GLI2: variants seen among roughly 807,000 people sequenced by gnomAD.
The protein encoded by GLI2 is GLI family zinc finger 2, also known as transcription activator GLI2.
A neutral mutation model predicts 78.9 loss-of-function variants in GLI2; 22 were observed. The observed-to-expected ratio is 0.28, with a 90% CI of 0.20 to 0.40. The LOEUF is 0.40. Among genes scored for constraint, GLI2 ranks in the 10% least tolerant of loss-of-function variants. The probability of loss-of-function intolerance (pLI) is 1.00; values close to 1 mark genes in which losing one functional copy is unlikely to be tolerated. For synonymous variants in GLI2, 974 were observed against 963.7 expected (o/e 1.01, Z -0.20); for missense variants, 2,097 against 2,213.2 (o/e 0.95, Z 1.05).
intron 1 of GLI2, among the ~76,000 whole-genome samples, chr2:120,749,191 G>T (rs549223729): frequency 6.6e-6 from 1 of 152,138 alleles, no homozygotes; most frequent in Non-Finnish European, 1.5e-5. Context: ...TGCTTAACAC[G>T]TGTTTGTTTA....
chr2:120,990,817 A>G lies in GLI2; in HGVS notation c.*142A>G, dbSNP rs933620866. The G allele has an allele frequency of 1.3e-5, 8 of 638,614 alleles. No individual in the cohort carries two copies. Among genetic ancestry groups the G allele is most frequent in the Non-Finnish European group, 1.9e-5 (7 of 369,340 alleles). The allele number at this position is 638,614 out of a possible 1,614,324, so 39.6% of individuals were successfully genotyped here. A position where few individuals can be genotyped will look rare whatever the true frequency, so the allele number is the denominator to read the frequency against. On this transcript the variant is annotated 3_prime_UTR_variant, in exon 14 of 14. Transcript: ENST00000361492. ...GCGCAATGGCCGCTTCAGATGACAG[A>G]TGTTGTAAGAGAAGGTTTATGGGCA... is the stretch of plus-strand genomic sequence containing the variant.
At chr2:120,942,703 G>A (rs551054595) in intron 3 of GLI2, among the ~76,000 whole-genome samples, 4 of 152,166 alleles carry the variant, frequency 2.6e-5, no homozygotes, top group African/African-American at 4.8e-5. Context: ...CGGCACATAC[G>A]TGCTCCCAGG....
rs1253185243 is a variant in GLI2 at position 120,988,571 on chromosome 2, A to G, written c.2606A>G (p.Gln869Arg). 2.0e-6 allele frequency: 3 copies of G among 1,496,670 alleles called. No homozygotes were observed. The highest frequency in any genetic ancestry group is 2.7e-6 in the Non-Finnish European group (3 of 1,129,518). The allele number at this position is 1,496,670 out of a possible 1,614,324, so 92.7% of individuals were successfully genotyped here. Residue 869 changes from glutamine to arginine, a missense_variant, in exon 14 of 14, where the codon CAG becomes CGG. Coordinates refer to ENST00000361492, the MANE Select transcript of GLI2 (RefSeq NM_001374353.1). ...SGLLNLTPAQ[Q>R]YSLRAKYAAA... ...CTGCTCAACCTCACGCCGGCGCAGCAGTACAGCCTGCGGGCCAAGTACGCG... is the reference window on the plus strand; with the variant it reads ...CTGCTCAACCTCACGCCGGCGCAGCGGTACAGCCTGCGGGCCAAGTACGCG...
At chr2:120,840,988 C>T (rs752868225) in intron 2 of GLI2, among the ~76,000 whole-genome samples, 6 of 152,204 alleles carry the variant, frequency 3.9e-5, no homozygotes, top group Admixed American at 6.5e-5. Context: ...GGCCTCTTTC[C>T]TTGCCAGCTG....
Position 120,991,962 on chromosome 2 carries a change from A to G in GLI2, c.*1287A>G, listed in dbSNP as rs1467214049. The stretch of plus-strand genomic sequence containing the variant: ...TTTGGAACTGGCTTCAGGAGACATC[A>G]TTCCTGAACACACTGTAGGGTGAAT... On this transcript the variant is annotated 3_prime_UTR_variant, in exon 14 of 14. Coordinates refer to ENST00000361492, the MANE Select transcript of GLI2 (RefSeq NM_001374353.1). The G allele has an allele frequency of 6.6e-6, 1 of 150,884 alleles. No homozygotes were observed. Among genetic ancestry groups the G allele is most frequent in the African/African-American group, 2.4e-5 (1 of 40,840 alleles). 9.3% of individuals were successfully genotyped at this position (150,884 alleles called of 1,614,324 possible). A position where few individuals can be genotyped will look rare whatever the true frequency, so the allele number is the denominator to read the frequency against.
rs7608184 is a variant in GLI2, at chr2:120,882,779, A to T, written c.149-44582A>T. On this transcript the variant is annotated intron_variant, in intron 2 of 13. Transcript: ENST00000361492. ...CTGGTTTGGTCTCACATCTGGTCTT[A>T]AGTGGGTCTTTTTTTTTTCTTCTCA... 4.7e-3 allele frequency among the ~76,000 whole-genome samples: 712 copies of T among 152,258 alleles called. 6 individuals are homozygous for T. Among genetic ancestry groups the T allele is most frequent in the African/African-American group, 0.016 (644 of 41,540 alleles).
At chr2:120,794,332 T>G (rs1206989875) in intron 1 of GLI2, among the ~76,000 whole-genome samples, 1 of 152,082 alleles carries the variant, frequency 6.6e-6, no homozygotes, top group Non-Finnish European at 1.5e-5. Context: ...GTTATCCCTG[T>G]TAGGAGGGTC....
intron 1 of GLI2, among the ~76,000 whole-genome samples, chr2:120,783,844 C>A (rs55886916): frequency 0.032 from 4,941 of 152,268 alleles, 239 homozygotes; most frequent in African/African-American, 0.11. Context: ...GCATTTCAAT[C>A]GGTTGCTCTT....
At chr2:120,839,304 G>A (rs1686756659) in intron 2 of GLI2, among the ~76,000 whole-genome samples, 1 of 152,244 alleles carries the variant, frequency 6.6e-6, no homozygotes, top group South Asian at 2.1e-4. Context: ...CCAAACCTCA[G>A]CCTGGGTTTG....
chr2:120,737,761 G>C lies in GLI2; in HGVS notation c.-31+1476G>C, dbSNP rs1682413997. Among the ~76,000 whole-genome samples, 1 of 152,258 alleles carries C rather than the reference G, an allele frequency of 6.6e-6. No homozygotes were observed. Among genetic ancestry groups the C allele is most frequent in the South Asian group, 2.1e-4 (1 of 4,838 alleles). ...CTGGGGGATGTAGGAGAATTTGAAA[G>C]TAAACGTTTCCCTCGCAAGCAGCAT... On this transcript the variant is annotated intron_variant, in intron 1 of 13. Coordinates refer to ENST00000361492, the MANE Select transcript of GLI2 (RefSeq NM_001374353.1). The surrounding 1 kb of genome is among the most constrained non-coding windows in gnomAD (Gnocchi z 4.3).
At chr2:120,758,818 G>A (rs1397120065) in intron 1 of GLI2, among the ~76,000 whole-genome samples, 1 of 152,132 alleles carries the variant, frequency 6.6e-6, no homozygotes, top group Non-Finnish European at 1.5e-5. Flanking sequence ...GAGGGTCAGC[G>A]GGCCCCAGAG....
intron 2 of GLI2, among the ~76,000 whole-genome samples, chr2:120,858,088 C>T (rs1261526689): frequency 1.3e-5 from 2 of 152,078 alleles, no homozygotes; most frequent in Admixed American, 6.5e-5. Flanking sequence ...AGGGAGCTCA[C>T]GTTAGGTGAA....
At chr2:120,866,640 C>G (rs970772110) in intron 2 of GLI2, 1 of 152,094 alleles carries the variant, frequency 6.6e-6, no homozygotes, top group Non-Finnish European at 1.5e-5. Flanking sequence ...CACATGGCAC[C>G]TGGCAGACAG....
chr2:120,808,972 C>G (rs1685095857), intron 2 of GLI2, among the ~76,000 whole-genome samples: 1 of 152,152 alleles, frequency 6.6e-6, no homozygotes, highest in Non-Finnish European at 1.5e-5. Flanking sequence ...TTTTCTAGCT[C>G]CAGGTCATCA....
chr2:120,941,325 G>A (rs866833845), intron 3 of GLI2, among the ~76,000 whole-genome samples: 10 of 152,336 alleles, frequency 6.6e-5, no homozygotes, highest in East Asian at 3.9e-4. Context: ...TAAAACAAAT[G>A]TATGGGAAAC....
intron 1 of GLI2, among the ~76,000 whole-genome samples, chr2:120,757,367 G>A (rs1427892694): frequency 1.3e-5 from 2 of 152,130 alleles, no homozygotes; most frequent in Non-Finnish European, 2.9e-5. Context: ...TACTTGCAAA[G>A]TTTAATTTTT....
At position 120,982,880 on chromosome 2, in the gene GLI2, G is replaced by A. The variant is rs1244702940; in HGVS notation, c.1632G>A (p.Glu544=). ...ACCAGAATCGCACCCACTCCAACGA[G>A]GTACCTCTGCGGGGCATGCACTGGG... ...AKHQNRTHSN[E]KPYICKIPGC... is the part of the protein sequence containing the mutation. Residue 544 remains glutamate, a splice_region_variant and synonymous_variant, in exon 11 of 14, where the codon GAG becomes GAA. Coordinates refer to ENST00000361492, the MANE Select transcript of GLI2 (RefSeq NM_001374353.1). 6.2e-7 allele frequency: 1 copy of A among 1,613,792 alleles called. No individual in the cohort carries two copies. Among genetic ancestry groups the A allele is most frequent in the Non-Finnish European group, 8.5e-7 (1 of 1,179,866 alleles).
In GLI2 at chr2:120,970,553, G is replaced by A; in HGVS notation, c.1006G>A (p.Ala336Thr). Residue 336 changes from alanine to threonine, a missense_variant, in exon 7 of 14, where the codon GCC (alanine) becomes ACC (threonine). Around this residue, in one of 5 missense-constraint regions of GLI2, gnomAD observed 578 missense variants for 612.0 expected, o/e 0.94. Transcript: ENST00000361492. Reference sequence around the variant, plus strand: ...GCCCATGGCCCTCACCTCCATCAATGCCACGCCCACCCAGCTCAGCAGCAG... The same window carrying A: ...GCCCATGGCCCTCACCTCCATCAATACCACGCCCACCCAGCTCAGCAGCAG... ...QQPMALTSIN[A>T]TPTQLSSSSN... 6.2e-7 allele frequency: 1 copy of A among 1,614,154 alleles called. No individual in the cohort carries two copies. Among genetic ancestry groups the A allele is most frequent in the Non-Finnish European group, 8.5e-7 (1 of 1,180,026 alleles).
At chr2:120,826,392 A>T (rs766894937) in intron 2 of GLI2, among the ~76,000 whole-genome samples, 1 of 152,170 alleles carries the variant, frequency 6.6e-6, no homozygotes, top group East Asian at 1.9e-4. Flanking sequence ...GTTTATATAC[A>T]CAGTTTTCAT....
Sources: gnomAD v4.1 joint callset for allele counts (sites outside exome capture counted in the v4.1 genomes callset) on GRCh38, gnomAD v4.1.1 for gene constraint, gnomAD v4.1.1 regional missense constraint, Gnocchi (gnomAD v3.1) non-coding constraint, MANE v1.5 for transcripts, NCBI Gene and HGNC (gene_info 2026-07-23, HGNC 2026-07-21) for gene names.